Variants in INPP4B observed in about 807,000 individuals in gnomAD.
The protein encoded by INPP4B is inositol polyphosphate-4-phosphatase type II B.
INPP4B carries 55 observed loss-of-function variants against 122.5 expected under a neutral mutation model. The ratio of observed to expected loss-of-function variants is 0.45; its 90% CI spans 0.36 to 0.56. The LOEUF (loss-of-function observed/expected upper bound fraction) is 0.56, where lower values mean the gene tolerates loss of function less well. INPP4B is among the 20% of genes least tolerant of loss of function. INPP4B has a pLI of 0.00. For missense variants in INPP4B, 1,000 were observed against 1,097.7 expected, an observed-to-expected ratio of 0.91 and a Z score of 1.26; for synonymous variants, 403 against 388.7, an observed-to-expected ratio of 1.04 and a Z score of -0.43.
At chr4:142,046,285 G>GTT (rs1751367265) in intron 25 of INPP4B, among the ~76,000 whole-genome samples, 4 of 152,084 alleles carry the variant, frequency 2.6e-5, no homozygotes, top group Non-Finnish European at 5.9e-5. Flanking sequence ...AATATTTGTT[G>GTT]AGCATATACG....
intron 7 of INPP4B, among the ~76,000 whole-genome samples, chr4:142,369,172 T>G (rs1403699816): frequency 6.6e-6 from 1 of 152,176 alleles, no homozygotes; most frequent in African/African-American, 2.4e-5. Flanking sequence ...GGGGTTTTGA[T>G]TGTTCTCTTT....
At chr4:142,528,869 T>C (rs1279394298) in intron 2 of INPP4B, among the ~76,000 whole-genome samples, 1 of 152,056 alleles carries the variant, frequency 6.6e-6, no homozygotes, top group Non-Finnish European at 1.5e-5. Flanking sequence ...TTCTTGAAAA[T>C]GAAAAAAGTG....
chr4:142,659,410 GA>G (rs995616511), intron 2 of INPP4B, among the ~76,000 whole-genome samples: 12 of 140,056 alleles, frequency 8.6e-5, no homozygotes, highest in East Asian at 8.3e-4. Context: ...TGTCTCAAAA[GA>G]AAAAAAAAAG....
At chr4:142,436,458 C>A (rs536838449) in intron 3 of INPP4B, among the ~76,000 whole-genome samples, 45 of 152,234 alleles carry the variant, frequency 3.0e-4, no homozygotes, top group African/African-American at 1.0e-3. Context: ...AACTGGGTGA[C>A]CCCCCACAAG....
chr4:142,088,907 A>G (rs1439238677), intron 23 of INPP4B, among the ~76,000 whole-genome samples: 1 of 152,188 alleles, frequency 6.6e-6, no homozygotes, highest in Non-Finnish European at 1.5e-5. Flanking sequence ...ACTGCAGGCT[A>G]TGACATAACT....
intron 18 of INPP4B, among the ~76,000 whole-genome samples, chr4:142,132,013 T>A (rs1351647911): frequency 6.6e-6 from 1 of 152,016 alleles, no homozygotes; most frequent in East Asian, 1.9e-4. Context: ...AGAGCTATCA[T>A]CTCCCTTTTC....
At chr4:142,277,238 T>C (rs2150706576) in intron 9 of INPP4B, among the ~76,000 whole-genome samples, 1 of 152,014 alleles carries the variant, frequency 6.6e-6, no homozygotes, top group Non-Finnish European at 1.5e-5. Context: ...ATATTAGTCC[T>C]TTGTCGGACA....
chr4:142,842,766 C>A (rs1783690284), intron 1 of INPP4B, among the ~76,000 whole-genome samples: 4 of 121,656 alleles, frequency 3.3e-5, no homozygotes, highest in African/African-American at 6.2e-5. Flanking sequence ...TATAATAATC[C>A]TAACATAATA....
chr4:142,278,429 A>G (rs1340191712), intron 9 of INPP4B, among the ~76,000 whole-genome samples: 1 of 151,832 alleles, frequency 6.6e-6, no homozygotes, highest in African/African-American at 2.4e-5. Flanking sequence ...ACTCAGAAAA[A>G]TGAAGGGAGA....
chr4:142,026,500 C>G lies in INPP4B; in HGVS notation c.*2282G>C, dbSNP rs563979723. 2 of 152,222 alleles carry G rather than the reference C, an allele frequency of 1.3e-5. No homozygotes were observed. Among genetic ancestry groups the G allele is most frequent in the African/African-American group, 4.8e-5 (2 of 41,452 alleles). The allele number at this position is 152,222 out of a possible 1,614,324, so 9.4% of individuals were successfully genotyped here. ...ACTTATTTAAAGATGGAGTTTCGCT[C>G]TTTTCACCCAGGCTGGAGTGCAATG... On this transcript the variant is annotated 3_prime_UTR_variant, in exon 26 of 26. Transcript: ENST00000262992.
At chr4:142,068,451 A>G (rs1399751351) in intron 25 of INPP4B, among the ~76,000 whole-genome samples, 2 of 152,238 alleles carry the variant, frequency 1.3e-5, no homozygotes, top group African/African-American at 4.8e-5. Flanking sequence ...AGCTAACATC[A>G]TAATGACAGG....
intron 18 of INPP4B, among the ~76,000 whole-genome samples, chr4:142,142,051 C>T (rs561449787): frequency 6.6e-6 from 1 of 151,944 alleles, no homozygotes; most frequent in South Asian, 2.1e-4. Flanking sequence ...AGAATAACAT[C>T]ACTAACAAAT....
At chr4:142,164,625 A>C (rs571465179) in intron 16 of INPP4B, among the ~76,000 whole-genome samples, 3 of 151,758 alleles carry the variant, frequency 2.0e-5, no homozygotes, top group Non-Finnish European at 4.4e-5. Context: ...AAAACCACAT[A>C]ATCATTTTTC....
chr4:142,611,970 G>C (rs1257831076), intron 2 of INPP4B, among the ~76,000 whole-genome samples: 1 of 152,126 alleles, frequency 6.6e-6, no homozygotes, highest in Non-Finnish European at 1.5e-5. Context: ...CATCTGGCCT[G>C]GAAGTTCCCT....
In INPP4B at chr4:142,341,418, T is replaced by C. The variant is rs529823974; in HGVS notation, c.373-26656A>G. Among the ~76,000 whole-genome samples the C allele has an allele frequency of 6.5e-4, 5 of 7,748 alleles. No homozygotes were observed. The East Asian group carries it at 0.086, about 134-fold the overall frequency. The allele number at this position is 7,748 out of a possible 152,430, so 5.1% of individuals were successfully genotyped here. On this transcript the variant is annotated intron_variant, in intron 7 of 25. Coordinates refer to ENST00000262992, the MANE Select transcript of INPP4B (RefSeq NM_001101669.3). Reference sequence around the variant, plus strand: ...ATGAAAAAATACAGTGGTTAATACATAGGCATTTGAGTAACATTTAGCTGT... The same window carrying C: ...ATGAAAAAATACAGTGGTTAATACACAGGCATTTGAGTAACATTTAGCTGT...
chr4:142,113,924 A>C (rs1791561155), intron 21 of INPP4B, among the ~76,000 whole-genome samples: 1 of 151,666 alleles, frequency 6.6e-6, no homozygotes, highest in African/African-American at 2.4e-5. Flanking sequence ...ATTTCCATCA[A>C]CTTAAAAAGA....
At chr4:142,706,419 T>C (rs1762478900) in intron 2 of INPP4B, among the ~76,000 whole-genome samples, 1 of 152,234 alleles carries the variant, frequency 6.6e-6, no homozygotes, top group South Asian at 2.1e-4. Context: ...AATCAGTCAA[T>C]AAGTTCGGTT....
intron 16 of INPP4B, among the ~76,000 whole-genome samples, chr4:142,170,364 A>G (rs1374718165): frequency 6.6e-6 from 1 of 151,686 alleles, no homozygotes; most frequent in African/African-American, 2.4e-5. Flanking sequence ...TGAAACATTA[A>G]AAATATTGAT....
intron 1 of INPP4B, among the ~76,000 whole-genome samples, chr4:142,818,459 T>A (rs1487294201): frequency 1.3e-5 from 2 of 152,122 alleles, no homozygotes. Flanking sequence ...TGTGTGTGTG[T>A]GTATTTCCAG....
Sources: allele counts gnomAD v4.1 joint callset (sites outside exome capture counted in the v4.1 genomes callset), GRCh38; gene constraint gnomAD v4.1.1; transcripts MANE v1.5; gene names NCBI Gene and HGNC (gene_info 2026-07-23, HGNC 2026-07-21).